The following CDK15 variants were observed in gnomAD, a reference collection of about 807,000 sequenced individuals.
The protein encoded by CDK15 is cyclin dependent kinase 15, also known as cyclin-dependent kinase 15.
CDK15 carries 62 observed loss-of-function variants against 60.3 expected under a neutral mutation model. The observed-to-expected ratio is 1.03, with a 90% confidence interval of 0.84 to 1.27. The LOEUF is 1.27. Ranked by LOEUF, CDK15 falls within the 50% of genes most tolerant of loss-of-function variation. CDK15 has a pLI of 0.00. For synonymous variants in CDK15, 194 were observed against 195.7 expected (o/e 0.99, Z 0.07); for missense variants, 541 against 527.8 (o/e 1.03, Z -0.25).
intron 3 of CDK15, among the ~76,000 whole-genome samples, chr2:201,809,263 T>C (rs73055662): frequency 3.1e-4 from 47 of 152,332 alleles, no homozygotes; most frequent in African/African-American, 1.1e-3. Context: ...TCTTCTGAGT[T>C]CTGACTTTGA....
intron 10 of CDK15, among the ~76,000 whole-genome samples, chr2:201,862,915 G>A (rs1046611451): frequency 2.0e-5 from 3 of 152,128 alleles, no homozygotes; most frequent in Non-Finnish European, 2.9e-5. Context: ...CCACCCAGAC[G>A]TGATTTTAGA....
chr2:201,847,571 G>A, intron 9 of CDK15, 97 bp downstream of exon 9: 1 of 951,382 alleles, frequency 1.1e-6, no homozygotes, highest in Non-Finnish European at 1.7e-6. Flanking sequence ...CATCTGCTCT[G>A]AGATATTAAG....
At chr2:201,830,321 T>C (rs1445400828) in intron 6 of CDK15, among the ~76,000 whole-genome samples, 1 of 152,098 alleles carries the variant, frequency 6.6e-6, no homozygotes, top group Non-Finnish European at 1.5e-5. Flanking sequence ...AATTAGGAGA[T>C]TGTGGAACCA....
chr2:201,890,679 A>G (rs1055295890), intron 12 of CDK15, 106 bp from the exon 13 acceptor site: 4 of 778,808 alleles, frequency 5.1e-6, no homozygotes, highest in Non-Finnish European at 8.3e-6. Context: ...AGTCTGGCTC[A>G]TGTTTTGACA....
At chr2:201,844,311 G>A (rs2105767954) in intron 8 of CDK15, among the ~76,000 whole-genome samples, 1 of 152,274 alleles carries the variant, frequency 6.6e-6, no homozygotes, top group East Asian at 1.9e-4. Flanking sequence ...AGTCATGGGG[G>A]GCAGGGTGGA....
chr2:201,870,258 A>AGGGG (rs1698802771), intron 10 of CDK15, among the ~76,000 whole-genome samples: 8 of 152,108 alleles, frequency 5.3e-5, no homozygotes, highest in Admixed American at 5.2e-4. Context: ...AACCACCACC[A>AGGGG]CTATCTAGTG....
At chr2:201,880,471 T>C (rs150484750) in intron 12 of CDK15, among the ~76,000 whole-genome samples, 41 of 152,340 alleles carry the variant, frequency 2.7e-4, no homozygotes, top group African/African-American at 9.9e-4. Context: ...ATGGACGTTG[T>C]CTCTGAGTTG....
intron 10 of CDK15, among the ~76,000 whole-genome samples, chr2:201,856,655 TC>T (rs954477074): frequency 3.9e-5 from 6 of 152,150 alleles, no homozygotes; most frequent in African/African-American, 1.4e-4. Flanking sequence ...CCTGTACTTC[TC>T]CCTGTCCACT....
At chr2:201,859,240 G>A (rs530949884) in intron 10 of CDK15, among the ~76,000 whole-genome samples, 1 of 152,202 alleles carries the variant, frequency 6.6e-6, no homozygotes, top group African/African-American at 2.4e-5. Context: ...ATGGACAGGA[G>A]TTGTGGCGCT....
rs114358447 is a variant in CDK15 at position 201,833,985 on chromosome 2, C to T, written c.730+14C>T. 1,164 of 1,612,424 alleles carry T rather than the reference C, an allele frequency of 7.2e-4. 12 individuals carry two copies. The African/African-American group carries it at 0.014, about 19-fold the overall frequency. ...TGGCTGATTTTGGTAAGTCGCCCCT[C>T]GGGTCTCATTCTGGGCTGTGAACAA... On this transcript the variant is annotated intron_variant, in intron 7 of 13. Transcript: ENST00000652192.
At chr2:201,865,892 C>CAAAAAAAAAAA (rs35178158) in intron 10 of CDK15, among the ~76,000 whole-genome samples, 1 of 40,092 alleles carries the variant, frequency 2.5e-5, no homozygotes, top group Non-Finnish European at 5.4e-5. Flanking sequence ...TCCATCTCAA[C>CAAAAAAAAAAA]AAAAAAAAAA....
intron 9 of CDK15, among the ~76,000 whole-genome samples, chr2:201,848,828 C>T (rs375513095): frequency 6.6e-6 from 1 of 151,638 alleles, no homozygotes; most frequent in East Asian, 1.9e-4. Flanking sequence ...GAAATTAAGA[C>T]ATTTTATAGA....
Position 201,854,729 on chromosome 2 carries a change from G to A in CDK15, c.946-145G>A, listed in dbSNP as rs754469769. On this transcript the variant is annotated intron_variant, in intron 9 of 13. Transcript: ENST00000652192. ...TTGGAAACACTCAAGTTTCTTTCTC[G>A]TATACATCAGCTGGTGTCATGCAAT... 23 of 651,430 alleles carry A rather than the reference G, an allele frequency of 3.5e-5. 1 individual carries two copies. The South Asian group carries it at 3.6e-4, about 10-fold the overall frequency. The allele number at this position is 651,430 out of a possible 1,614,324, so 40.4% of individuals were successfully genotyped here.
intron 6 of CDK15, among the ~76,000 whole-genome samples, chr2:201,832,018 C>G (rs1326962313): frequency 6.6e-6 from 1 of 152,062 alleles, no homozygotes; most frequent in Non-Finnish European, 1.5e-5. Context: ...CTTCCTCTTC[C>G]TCTTTCCCTA....
intron 10 of CDK15, among the ~76,000 whole-genome samples, chr2:201,857,645 G>C (rs898920227): frequency 6.6e-6 from 1 of 152,288 alleles, no homozygotes; most frequent in East Asian, 1.9e-4. Context: ...GGAGCAAAGG[G>C]AGTTGGAACC....
In CDK15 at chr2:201,835,601, A is replaced by G. The variant is rs373001011; in HGVS notation, c.731-42A>G. Reference sequence around the variant, plus strand: ...GTCCAGTGCATCATGGTGCAAGCCAAGGTCCAGAACGATGGGTTTTATGCT... The same window carrying G: ...GTCCAGTGCATCATGGTGCAAGCCAGGGTCCAGAACGATGGGTTTTATGCT... On this transcript the variant is annotated intron_variant, in intron 7 of 13. Coordinates refer to ENST00000652192, the MANE Select transcript of CDK15 (RefSeq NM_001366386.2). The G allele has an allele frequency of 6.0e-6, 9 of 1,492,196 alleles. No homozygotes were observed. The African/African-American group carries it at 1.1e-4, about 18-fold the overall frequency. The allele number at this position is 1,492,196 out of a possible 1,614,324, so 92.4% of individuals were successfully genotyped here.
intron 10 of CDK15, chr2:201,861,299 G>A: frequency 5.0e-6 from 5 of 992,580 alleles, no homozygotes; most frequent in Non-Finnish European, 4.8e-6. Context: ...TCGATGCTGG[G>A]TGGAGTAGCC....
intron 13 of CDK15, among the ~76,000 whole-genome samples, chr2:201,891,729 G>A (rs990049468): frequency 4.6e-5 from 7 of 152,130 alleles, no homozygotes; most frequent in African/African-American, 1.7e-4. Flanking sequence ...TTCCCATACT[G>A]GGGCTTCCAT....
intron 9 of CDK15, among the ~76,000 whole-genome samples, chr2:201,849,023 A>G (rs758450531): frequency 1.3e-5 from 2 of 152,214 alleles, no homozygotes; most frequent in Non-Finnish European, 2.9e-5. Context: ...CTATAACATC[A>G]TCTAAGCTGG....
Sources: allele counts gnomAD v4.1 joint callset (sites outside exome capture counted in the v4.1 genomes callset), GRCh38; gene constraint gnomAD v4.1.1; transcripts MANE v1.5; gene names NCBI Gene and HGNC (gene_info 2026-07-23, HGNC 2026-07-21).